Variants in PPP1R12A observed in about 807,000 individuals in gnomAD.
PPP1R12A encodes myosin binding subunit.
In PPP1R12A, 19 loss-of-function variants were observed where a neutral mutation model predicts 139.6. That is an observed-to-expected ratio of 0.14 (90% CI 0.09 to 0.20). The LOEUF is 0.20. Ranked by LOEUF, PPP1R12A falls within the 10% of genes least tolerant of loss-of-function variation. The probability of loss-of-function intolerance (pLI) is 1.00; values close to 1 mark genes in which losing one functional copy is unlikely to be tolerated. For missense variants in PPP1R12A, 925 were observed against 1,211.5 expected (o/e 0.76, Z 3.51); for synonymous variants, 427 against 420.6 (o/e 1.02, Z -0.19).
intron 2 of PPP1R12A, among the ~76,000 whole-genome samples, chr12:79,852,709 G>C (rs576789068): frequency 6.6e-6 from 1 of 152,190 alleles, no homozygotes; most frequent in Non-Finnish European, 1.5e-5. Flanking sequence ...ATTCCCCTGG[G>C]CTGGGTGGGA....
chr12:79,809,788 A>G lies in PPP1R12A; in HGVS notation c.1455+7T>C, dbSNP rs550913495. 6.3e-7 allele frequency: 1 copy of G among 1,599,950 alleles called. No individual in the cohort carries two copies. The highest frequency in any genetic ancestry group is 1.1e-5 in the South Asian group (1 of 89,906). ...TTTCATAGAAACCAGACTGTGAAAT[A>G]GATTACCTTTTCTTTATTATCCAAA... is the stretch of plus-strand genomic sequence containing the variant. On this transcript the variant is annotated splice_region_variant and intron_variant, in intron 10 of 24. Transcript: ENST00000450142.
At chr12:79,794,289 ACT>A (rs1367619652) in intron 18 of PPP1R12A, among the ~76,000 whole-genome samples, 1 of 152,066 alleles carries the variant, frequency 6.6e-6, no homozygotes, top group South Asian at 2.1e-4. Context: ...CTCTTTTTAA[ACT>A]TTTTTAAATA....
chr12:79,926,876 T>A (rs1488946932), intron 1 of PPP1R12A, among the ~76,000 whole-genome samples: 3 of 152,068 alleles, frequency 2.0e-5, no homozygotes, highest in Non-Finnish European at 4.4e-5. Context: ...TACGTATGTA[T>A]AAAAAATTTA....
chr12:79,872,493 C>T (rs1882680829), intron 2 of PPP1R12A, among the ~76,000 whole-genome samples: 1 of 152,082 alleles, frequency 6.6e-6, no homozygotes, highest in Non-Finnish European at 1.5e-5. Context: ...ATGAGTTAGA[C>T]TGCTAAGTAT....
intron 24 of PPP1R12A, chr12:79,777,381 A>G (rs1869864206): frequency 1.0e-6 from 1 of 984,414 alleles, no homozygotes; most frequent in African/African-American, 1.7e-5. Flanking sequence ...ACATTCTAAG[A>G]AGCCATGCAT....
At chr12:79,870,673 G>T (rs1220924958) in intron 2 of PPP1R12A, among the ~76,000 whole-genome samples, 6 of 152,078 alleles carry the variant, frequency 3.9e-5, no homozygotes, top group Admixed American at 3.9e-4. Context: ...GCCAAAAAAG[G>T]TCACTTTTGT....
intron 5 of PPP1R12A, 113 bp from the exon 6 acceptor site, chr12:79,822,303 G>A: frequency 8.7e-6 from 6 of 692,536 alleles, no homozygotes; most frequent in Non-Finnish European, 1.4e-5. Context: ...TTTTTACAGT[G>A]GTTATGATAC....
chr12:79,893,567 T>C (rs1177138862), intron 1 of PPP1R12A, among the ~76,000 whole-genome samples: 1 of 152,172 alleles, frequency 6.6e-6, no homozygotes, highest in African/African-American at 2.4e-5. Flanking sequence ...TTAGCTTCAT[T>C]AGTAGGACTA....
intron 1 of PPP1R12A, among the ~76,000 whole-genome samples, chr12:79,878,618 G>C (rs1292992265): frequency 6.6e-6 from 1 of 152,080 alleles, no homozygotes; most frequent in East Asian, 1.9e-4. Flanking sequence ...CAGCTGGGGT[G>C]GCCTCAGGAA....
rs1869475555 is a variant in PPP1R12A, at chr12:79,773,713, A to T, written c.*2216T>A. On this transcript the variant is annotated 3_prime_UTR_variant, in exon 25 of 25. Coordinates refer to ENST00000450142, the MANE Select transcript of PPP1R12A (RefSeq NM_002480.3). The stretch of plus-strand genomic sequence containing the variant: ...TTATCACAATATTACAATTTCAGAA[A>T]TTATTCAAATTGGTATCCAAGTAAA... 6.6e-6 allele frequency: 1 copy of T among 152,224 alleles called. No individual in the cohort carries two copies. The highest frequency in any genetic ancestry group is 2.4e-5 in the African/African-American group (1 of 41,468). 9.4% of individuals were successfully genotyped at this position (152,224 alleles called of 1,614,324 possible).
At chr12:79,844,037 C>T (rs1565773578) in intron 3 of PPP1R12A, among the ~76,000 whole-genome samples, 1 of 151,786 alleles carries the variant, frequency 6.6e-6, no homozygotes, top group Non-Finnish European at 1.5e-5. Flanking sequence ...CATATATATA[C>T]ACACACACAG....
chr12:79,789,757 A>G (rs1056240190), intron 20 of PPP1R12A: 5 of 396,254 alleles, frequency 1.3e-5, no homozygotes, highest in Non-Finnish European at 2.4e-5. Context: ...GAAAAGATGG[A>G]TAATTTTGAA....
chr12:79,840,036 T>G (rs1878531248), intron 3 of PPP1R12A, among the ~76,000 whole-genome samples: 1 of 151,582 alleles, frequency 6.6e-6, no homozygotes, highest in Non-Finnish European at 1.5e-5. Context: ...CATCATGAAG[T>G]ATTTTCTAGG....
intron 1 of PPP1R12A, among the ~76,000 whole-genome samples, chr12:79,914,067 A>T (rs745368689): frequency 6.6e-6 from 1 of 152,192 alleles, no homozygotes; most frequent in Admixed American, 6.5e-5. Flanking sequence ...TATTTTTCAT[A>T]AGCATAATAT....
intron 22 of PPP1R12A, among the ~76,000 whole-genome samples, chr12:79,784,389 C>G (rs1246792287): frequency 6.6e-6 from 1 of 152,126 alleles, no homozygotes; most frequent in Non-Finnish European, 1.5e-5. Context: ...GTACCTGACC[C>G]ACAGGCAACT....
intron 1 of PPP1R12A, among the ~76,000 whole-genome samples, chr12:79,885,434 C>G (rs1884015896): frequency 6.6e-6 from 1 of 151,804 alleles, no homozygotes; most frequent in African/African-American, 2.4e-5. Flanking sequence ...CATTTTTATC[C>G]CACTATAAAT....
At chr12:79,822,335 C>T in intron 5 of PPP1R12A, 145 bp from the exon 6 acceptor site, 1 of 575,054 alleles carries the variant, frequency 1.7e-6, no homozygotes, top group Non-Finnish European at 3.0e-6. Flanking sequence ...TAAAAACATA[C>T]AACTCTAAGG....
chr12:79,854,693 A>G (rs780098619), intron 2 of PPP1R12A, among the ~76,000 whole-genome samples: 2 of 151,958 alleles, frequency 1.3e-5, no homozygotes, highest in African/African-American at 2.4e-5. Flanking sequence ...AATTTTAGAG[A>G]TGGAGTCTCA....
intron 1 of PPP1R12A, among the ~76,000 whole-genome samples, chr12:79,905,051 G>T (rs1342060909): frequency 2.0e-5 from 3 of 152,092 alleles, no homozygotes; most frequent in African/African-American, 7.2e-5. Context: ...GCATGGCTTG[G>T]TTAATCTTTC....
Sources: allele counts gnomAD v4.1 joint callset (sites outside exome capture counted in the v4.1 genomes callset), GRCh38; gene constraint gnomAD v4.1.1; transcripts MANE v1.5; gene names NCBI Gene and HGNC (gene_info 2026-07-23, HGNC 2026-07-21).